DLG2: variants seen among roughly 807,000 people sequenced by gnomAD.
DLG2 encodes the protein discs large MAGUK scaffold protein 2.
A neutral mutation model predicts 132.5 loss-of-function variants in DLG2; 45 were observed. The observed-to-expected ratio is 0.34, with a 90% CI of 0.27 to 0.44. The LOEUF (loss-of-function observed/expected upper bound fraction) is 0.44, where lower values mean the gene tolerates loss of function less well. DLG2 is among the 20% of genes least tolerant of loss of function. The pLI is 1.00. For missense variants in DLG2, 1,045 were observed against 1,196.9 expected, an observed-to-expected ratio of 0.87 and a Z score of 1.87; for synonymous variants, 424 against 419.6, an observed-to-expected ratio of 1.01 and a Z score of -0.13.
At position 84,723,701 on chromosome 11, in the gene DLG2, G is replaced by A. The variant is rs578201723; in HGVS notation, c.358-188970C>T. On this transcript the variant is annotated intron_variant, in intron 6 of 27. Coordinates refer to ENST00000376104, the MANE Select transcript of DLG2 (RefSeq NM_001142699.3). ...AGAGTGTACTGCATGGGGGTGTACT[G>A]CAATATTTTTAGGAGATATTACTAG... Among the ~76,000 whole-genome samples, 357 of 152,164 alleles carry A rather than the reference G, an allele frequency of 2.3e-3. 2 individuals are homozygous for A. Among genetic ancestry groups the A allele is most frequent in the African/African-American group, 8.2e-3 (342 of 41,508 alleles).
chr11:84,225,680 C>A (rs999135886), intron 8 of DLG2, among the ~76,000 whole-genome samples: 2 of 152,076 alleles, frequency 1.3e-5, no homozygotes, highest in African/African-American at 4.8e-5. Flanking sequence ...CTTTAGAGGA[C>A]AAAAATTCTC....
At position 83,570,698 on chromosome 11, in the gene DLG2, G is replaced by A. The variant is rs544012356; in HGVS notation, c.1941-28840C>T. On this transcript the variant is annotated intron_variant, in intron 19 of 27. Transcript: ENST00000376104. ...GGCAGATACATGAAGACAACCAGAGGAAAATGTCACAGAATGCAGGGGAGG... is the reference window on the plus strand; with the variant it reads ...GGCAGATACATGAAGACAACCAGAGAAAAATGTCACAGAATGCAGGGGAGG... 1.2e-3 allele frequency among the ~76,000 whole-genome samples: 181 copies of A among 152,068 alleles called. 1 individual carries two copies. The highest frequency in any genetic ancestry group is 2.1e-3 in the Non-Finnish European group (140 of 68,008).
At chr11:83,586,195 C>T (rs746440650) in intron 19 of DLG2, among the ~76,000 whole-genome samples, 19 of 152,210 alleles carry the variant, frequency 1.2e-4, no homozygotes, top group Non-Finnish European at 2.4e-4. Context: ...TTGCCCAGGT[C>T]AGGAGCCAGA....
chr11:84,625,293 C>G (rs2099620814), intron 6 of DLG2, among the ~76,000 whole-genome samples: 1 of 152,174 alleles, frequency 6.6e-6, no homozygotes, highest in African/African-American at 2.4e-5. Context: ...CTCTTTACCA[C>G]AGACTACCTG....
chr11:85,350,386 T>C (rs966858295), intron 3 of DLG2, among the ~76,000 whole-genome samples: 6 of 152,258 alleles, frequency 3.9e-5, no homozygotes, highest in African/African-American at 1.4e-4. Context: ...GTAGCTTCTT[T>C]TGCTGTGCAG....
At chr11:85,176,015 T>C (rs1023443011) in intron 4 of DLG2, among the ~76,000 whole-genome samples, 1 of 152,140 alleles carries the variant, frequency 6.6e-6, no homozygotes, top group African/African-American at 2.4e-5. Context: ...GAAGAATCAA[T>C]ATCGTGAAAA....
chr11:84,944,605 A>ACT (rs2049947170), intron 6 of DLG2, among the ~76,000 whole-genome samples: 1 of 133,890 alleles, frequency 7.5e-6, no homozygotes, highest in Non-Finnish European at 1.5e-5. Flanking sequence ...GTCTCTGTTA[A>ACT]TTTTTTTTTT....
chr11:84,101,754 A>G (rs1457729548), intron 9 of DLG2, among the ~76,000 whole-genome samples: 1 of 152,110 alleles, frequency 6.6e-6, no homozygotes, highest in Non-Finnish European at 1.5e-5. Context: ...TATTGGTCTC[A>G]CTGTAGTTAG....
chr11:84,194,507 C>T (rs1353385443), intron 8 of DLG2, among the ~76,000 whole-genome samples: 3 of 152,198 alleles, frequency 2.0e-5, no homozygotes, highest in Non-Finnish European at 4.4e-5. Flanking sequence ...GTGGCTTGCG[C>T]TGTTGGCTTG....
intron 7 of DLG2, among the ~76,000 whole-genome samples, chr11:84,420,836 T>G (rs1448532281): frequency 6.8e-6 from 1 of 147,678 alleles, no homozygotes; most frequent in Non-Finnish European, 1.5e-5. Flanking sequence ...GCCCGGCTAA[T>G]TTTTTGTATT....
chr11:83,459,888 T>A lies in DLG2; in HGVS notation c.2858A>T (p.Asn953Ile), dbSNP rs748647797. The change falls in exon 28 of 28, where the codon AAC (asparagine) becomes ATC (isoleucine). Residue 953 changes from asparagine (N) to isoleucine (I), a missense_variant. Transcript: ENST00000376104. Reference protein sequence around the residue: ...VQGDTLEDIYNQCKLVIEEQS... With the variant: ...VQGDTLEDIYIQCKLVIEEQS... ...CTCTTCAATAACAAGCTTGCATTGG[T>A]TATATATATCTTCTAAAGTATCTCC... The A allele has an allele frequency of 6.2e-7, 1 of 1,609,490 alleles. No individual in the cohort carries two copies. Among genetic ancestry groups the A allele is most frequent in the East Asian group, 2.2e-5 (1 of 44,854 alleles).
chr11:84,021,657 CT>C (rs1313297377), intron 11 of DLG2, among the ~76,000 whole-genome samples: 5 of 152,150 alleles, frequency 3.3e-5, no homozygotes, highest in Non-Finnish European at 7.4e-5. Context: ...TGGATGATAT[CT>C]GGTAACATCA....
At chr11:85,010,962 A>G (rs903160649) in intron 6 of DLG2, among the ~76,000 whole-genome samples, 5 of 152,154 alleles carry the variant, frequency 3.3e-5, no homozygotes, top group Admixed American at 3.3e-4. Context: ...GATTTTACTT[A>G]CCCTCAGCAG....
At chr11:84,478,620 A>G (rs376827674) in intron 7 of DLG2, among the ~76,000 whole-genome samples, 4 of 152,272 alleles carry the variant, frequency 2.6e-5, no homozygotes, top group African/African-American at 9.6e-5. Context: ...ATGAGAAGAT[A>G]ATAATCTAAT....
At chr11:83,636,485 C>T (rs2064880655) in intron 18 of DLG2, among the ~76,000 whole-genome samples, 1 of 152,110 alleles carries the variant, frequency 6.6e-6, no homozygotes, top group Non-Finnish European at 1.5e-5. Context: ...TGCATCTCCC[C>T]TAGTGCTACT....
chr11:84,664,542 C>G (rs1381399603), intron 6 of DLG2, among the ~76,000 whole-genome samples: 1 of 152,128 alleles, frequency 6.6e-6, no homozygotes, highest in Non-Finnish European at 1.5e-5. Flanking sequence ...CAAATTACCA[C>G]ATATTGTAAC....
In DLG2 at chr11:83,920,648, C is replaced by T. The variant is rs1327858378; in HGVS notation, c.1496+9680G>A. On this transcript the variant is annotated intron_variant, in intron 15 of 27. Coordinates refer to ENST00000376104, the MANE Select transcript of DLG2 (RefSeq NM_001142699.3). ...ATAATGATAGCTAAAATTTATGGAG[C>T]ACTTCATATTTATCAGGTATTGCTC... is the stretch of plus-strand genomic sequence containing the variant. 3.9e-5 allele frequency among the ~76,000 whole-genome samples: 6 copies of T among 152,224 alleles called. No individual in the cohort carries two copies. In the East Asian group the frequency reaches 1.2e-3, roughly 29 times the overall value.
At chr11:84,108,300 A>G (rs2093108552) in intron 9 of DLG2, among the ~76,000 whole-genome samples, 1 of 152,078 alleles carries the variant, frequency 6.6e-6, no homozygotes, top group Non-Finnish European at 1.5e-5. Flanking sequence ...AAGTTATAAG[A>G]GTGTATTGAG....
At chr11:84,740,394 A>C (rs1403334671) in intron 6 of DLG2, among the ~76,000 whole-genome samples, 2 of 152,132 alleles carry the variant, frequency 1.3e-5, no homozygotes, top group African/African-American at 4.8e-5. Context: ...AGAACCCCAC[A>C]GTTCTTCCAA....
Sources: gnomAD v4.1 joint callset for allele counts (sites outside exome capture counted in the v4.1 genomes callset) on GRCh38, gnomAD v4.1.1 for gene constraint, MANE v1.5 for transcripts, NCBI Gene and HGNC (gene_info 2026-07-23, HGNC 2026-07-21) for gene names.